Variants in TMC8 observed in about 807,000 individuals in gnomAD.
TMC8 encodes the protein transmembrane channel like 8, also known as transmembrane channel-like protein 8.
A neutral mutation model predicts 76.0 loss-of-function variants in TMC8; 71 were observed. The observed-to-expected ratio is 0.93, with a 90% CI of 0.77 to 1.14. The LOEUF is 1.14. Ranked by LOEUF, TMC8 falls within the 50% of genes most tolerant of loss-of-function variation. The pLI is 0.00. For missense variants in TMC8, 924 were observed against 947.9 expected (o/e 0.97, Z 0.33); for synonymous variants, 433 against 433.8 (o/e 1.00, Z 0.02).
At chr17:78,133,792 G>A in intron 6 of TMC8, 61 bp from the exon 7 acceptor site, 1 of 1,610,258 alleles carries the variant, frequency 6.2e-7, no homozygotes, top group Non-Finnish European at 8.5e-7. Flanking sequence ...GCCGAGCCAA[G>A]GCTGAGGCTG....
chr17:78,132,882 C>T lies in TMC8; in HGVS notation c.531+12C>T. 1 of 1,614,062 alleles carries T rather than the reference C, an allele frequency of 6.2e-7. No homozygotes were observed. The highest frequency in any genetic ancestry group is 8.5e-7 in the Non-Finnish European group (1 of 1,179,910). ...TTTTGACTGGCAGGGTGAGTGAGGT[C>T]TGTCCCGGCTATGGTCCAGAGTCTG... On this transcript the variant is annotated intron_variant, in intron 5 of 15. Coordinates refer to ENST00000318430, the MANE Select transcript of TMC8 (RefSeq NM_152468.5).
intron 15 of TMC8, among the ~76,000 whole-genome samples, chr17:78,140,603 G>A (rs1042673855): frequency 6.6e-6 from 1 of 151,636 alleles, no homozygotes; most frequent in Non-Finnish European, 1.5e-5. Flanking sequence ...GCTGCGTTGT[G>A]GACGGGACTC....
In TMC8 at chr17:78,140,899, C is replaced by G. The variant is rs2075359768; in HGVS notation, c.1968C>G (p.Ser656Arg). Reference protein sequence around the residue: ...LSRLLPEPGPSDSPGPKYPAS... With the variant: ...LSRLLPEPGPRDSPGPKYPAS... ...GACTGCTGCCGGAGCCAGGCCCGAG[C>G]GACTCTCCGGGCCCCAAGTACCCTG... Residue 656 changes from serine (S) to arginine (R), a missense_variant, in exon 16 of 16, where the codon AGC becomes AGG. Ser to Arg is a moderately radical substitution (Grantham distance 110). Coordinates refer to ENST00000318430, the MANE Select transcript of TMC8 (RefSeq NM_152468.5). 4.4e-6 allele frequency: 7 copies of G among 1,608,338 alleles called. No homozygotes were observed. Among genetic ancestry groups the G allele is most frequent in the Non-Finnish European group, 5.9e-6 (7 of 1,178,158 alleles).
chr17:78,132,984 AGG>A (rs2075073102), intron 5 of TMC8, 114 bp downstream of exon 5: 2 of 1,241,940 alleles, frequency 1.6e-6, no homozygotes, highest in Middle Eastern at 1.9e-4. Flanking sequence ...TCGGCTCCTC[AGG>A]GGATGGTCTT....
In TMC8 at chr17:78,137,306, G is replaced by T; in HGVS notation, c.1199G>T (p.Gly400Val). ...CTGGGTCAGACCATACTGTGCATTG[G>T]CAGAGACAAGAGCAGCTGTGAGTCC... ...VSLGQTILCI[G>V]RDKSSCESYG... Residue 400 changes from glycine (G) to valine (V), a missense_variant, in exon 10 of 16, where the codon GGC (glycine) becomes GTC (valine). Physicochemically the swap from Gly to Val is moderately radical, Grantham distance 109 (BLOSUM62 -3). Coordinates refer to ENST00000318430, the MANE Select transcript of TMC8 (RefSeq NM_152468.5). The T allele has an allele frequency of 6.2e-7, 1 of 1,614,008 alleles. No individual in the cohort carries two copies. Among genetic ancestry groups the T allele is most frequent in the Non-Finnish European group, 8.5e-7 (1 of 1,180,020 alleles).
rs368906618 is a variant in TMC8, at chr17:78,132,350, C to T, written c.299-9C>T. 56 of 1,612,576 alleles carry T rather than the reference C, an allele frequency of 3.5e-5. No homozygotes were observed. Among genetic ancestry groups the T allele is most frequent in the Non-Finnish European group, 4.7e-5 (55 of 1,179,690 alleles). On this transcript the variant is annotated splice_polypyrimidine_tract_variant and intron_variant, in intron 3 of 15. Coordinates refer to ENST00000318430, the MANE Select transcript of TMC8 (RefSeq NM_152468.5). ...GGCCTCCCTGACCCACCCTGCTCTC[C>T]CACTGCAGGCCTCTTCGGCACAGGA...
chr17:78,132,117 C>T (rs1329156919), intron 3 of TMC8, 87 bp downstream of exon 3: 3 of 1,522,644 alleles, frequency 2.0e-6, no homozygotes, highest in African/African-American at 1.4e-5. Context: ...ATCATCCCAC[C>T]TGCCTTCACC....
At position 78,133,272 on chromosome 17, in the gene TMC8, T is replaced by C. The variant is rs145547509; in HGVS notation, c.532-134T>C. On this transcript the variant is annotated intron_variant, in intron 5 of 15. Transcript: ENST00000318430. Reference sequence around the variant, plus strand: ...GACCGTGGGCACGTTGCCGAACCTCTGTGGGCCCTTGTAAGACGGGACACT... The same window carrying C: ...GACCGTGGGCACGTTGCCGAACCTCCGTGGGCCCTTGTAAGACGGGACACT... The C allele has an allele frequency of 9.9e-4, 1,418 of 1,427,776 alleles. 16 individuals are homozygous for C. In the African/African-American group the frequency reaches 0.018, roughly 18 times the overall value. 88.4% of individuals were successfully genotyped at this position (1,427,776 alleles called of 1,614,324 possible). A position where few individuals can be genotyped will look rare whatever the true frequency, so the allele number is the denominator to read the frequency against.
rs200991553 is a variant in TMC8, at chr17:78,133,541, C to T, written c.667C>T (p.Arg223Trp). Reference protein sequence around the residue: ...LLLCFCGTLRRMVKGLPQKTL... With the variant: ...LLLCFCGTLRWMVKGLPQKTL... ...CCTCTGCTTCTGTGGGACTCTGCGG[C>T]GGTGAGAGCGAGGTCCACACCTTCA... The change falls in exon 6 of 16, where the codon CGG becomes TGG. Residue 223 changes from arginine to tryptophan, a missense_variant and splice_region_variant. Arg to Trp is a moderately radical substitution (Grantham distance 101). Transcript: ENST00000318430. The T allele has an allele frequency of 6.2e-6, 10 of 1,611,502 alleles. No homozygotes were observed. Among genetic ancestry groups the T allele is most frequent in the South Asian group, 5.5e-5 (5 of 91,082 alleles).
At position 78,131,583 on chromosome 17, in the gene TMC8, G is replaced by A. The variant is rs2074966882; in HGVS notation, c.-6G>A. The A allele has an allele frequency of 1.9e-6, 3 of 1,544,114 alleles. No individual in the cohort carries two copies. The highest frequency in any genetic ancestry group is 2.6e-6 in the Non-Finnish European group (3 of 1,146,646). ...GGCGCCCCAGCCTCTACCCGTGCCCGCCGAGATGCTGCTGCCGCGGTCGGT... is the reference window on the plus strand; with the variant it reads ...GGCGCCCCAGCCTCTACCCGTGCCCACCGAGATGCTGCTGCCGCGGTCGGT... On this transcript the variant is annotated 5_prime_UTR_variant, in exon 2 of 16. Transcript: ENST00000318430.
In TMC8 at chr17:78,141,479, GA is replaced by G. The variant is rs2075371639; in HGVS notation, c.*369del. 5.7e-6 allele frequency: 1 copy of G among 174,530 alleles called. No individual in the cohort carries two copies. Among genetic ancestry groups the G allele is most frequent in the Non-Finnish European group, 1.2e-5 (1 of 82,914 alleles). 10.8% of individuals were successfully genotyped at this position (174,530 alleles called of 1,614,324 possible). A position where few individuals can be genotyped will look rare whatever the true frequency, so the allele number is the denominator to read the frequency against. ...AATGCTCAGAAGTTGTTTACTGATG[GA>G]AGTGCCTTCAGAAGAGTCCGGGAAC... On this transcript the variant is annotated 3_prime_UTR_variant, in exon 16 of 16. Transcript: ENST00000318430.
chr17:78,136,191 AG>A lies in TMC8; in HGVS notation c.1128-1043del, dbSNP rs150480987. Among the ~76,000 whole-genome samples, 330 of 152,208 alleles carry A rather than the reference AG, an allele frequency of 2.2e-3. 1 individual carries two copies. Among genetic ancestry groups the A allele is most frequent in the African/African-American group, 7.6e-3 (314 of 41,534 alleles). ...TTAGAGATAACACGCAACCAGGCAC[AG>A]TGACTCACGCCTGTAAAGGCCAACA... On this transcript the variant is annotated intron_variant, in intron 9 of 15. Transcript: ENST00000318430.
In TMC8 at chr17:78,131,785, G is replaced by C. The variant is rs560768129; in HGVS notation, c.149+48G>C. 426 of 1,547,416 alleles carry C rather than the reference G, an allele frequency of 2.8e-4. 2 individuals are homozygous for C. The highest frequency in any genetic ancestry group is 2.1e-3 in the South Asian group (175 of 84,442). ...ACGGTGCGTGGGGGGGGTGCTGCGA[G>C]GCTGCCCCGTCGGATGGTGTGGGAG... On this transcript the variant is annotated intron_variant, in intron 2 of 15. Transcript: ENST00000318430.
chr17:78,140,679 G>C (rs1183456532), intron 15 of TMC8, among the ~76,000 whole-genome samples, 155 bp from the exon 16 acceptor site: 1 of 151,646 alleles, frequency 6.6e-6, no homozygotes, highest in Non-Finnish European at 1.5e-5. Context: ...GGGAGGGTGT[G>C]GCCTCGAGCG....
intron 7 of TMC8, 147 bp downstream of exon 7, chr17:78,134,147 G>A: frequency 7.8e-7 from 1 of 1,284,822 alleles, no homozygotes; most frequent in South Asian, 1.2e-5. Flanking sequence ...GTGGGAGCGT[G>A]ATGGAGAGCG....
Position 78,142,140 on chromosome 17 carries a change from C to T in TMC8, c.*1028C>T, listed in dbSNP as rs2075383198. 1 of 152,516 alleles carries T rather than the reference C, an allele frequency of 6.6e-6. No individual in the cohort carries two copies. The highest frequency in any genetic ancestry group is 2.4e-5 in the African/African-American group (1 of 41,402). The allele number at this position is 152,516 out of a possible 1,614,324, so 9.4% of individuals were successfully genotyped here. A position where few individuals can be genotyped will look rare whatever the true frequency, so the allele number is the denominator to read the frequency against. ...TCCTGTTCTCCCACCCCCACCCCTG[C>T]CATGCTGCAGTGACTAAATCTGTGG... On this transcript the variant is annotated 3_prime_UTR_variant, in exon 16 of 16. Transcript: ENST00000318430.
Position 78,138,798 on chromosome 17 carries a change from G to A in TMC8, c.1823+66G>A, listed in dbSNP as rs768853668. 1.4e-5 allele frequency: 23 copies of A among 1,593,632 alleles called. No individual in the cohort carries two copies. In the South Asian group the frequency reaches 2.4e-4, roughly 17 times the overall value. The stretch of plus-strand genomic sequence containing the variant: ...GGGGGAGGTCCTTCCTTCCATGGGG[G>A]TGGTGAGCCTGTGCACCCCCAACCA... On this transcript the variant is annotated intron_variant, in intron 14 of 15. Coordinates refer to ENST00000318430, the MANE Select transcript of TMC8 (RefSeq NM_152468.5).
chr17:78,135,543 G>A (rs1012439801), intron 9 of TMC8, among the ~76,000 whole-genome samples: 6 of 152,088 alleles, frequency 3.9e-5, no homozygotes, highest in African/African-American at 1.4e-4. Context: ...CGGAGCAGCT[G>A]GGACTACCAC....
At chr17:78,140,473 C>G (rs886653897) in intron 15 of TMC8, among the ~76,000 whole-genome samples, 1 of 150,350 alleles carries the variant, frequency 6.7e-6, no homozygotes, top group Non-Finnish European at 1.5e-5. Flanking sequence ...GGACTCTTAG[C>G]GGGCGTGGTC....
Sources: allele counts gnomAD v4.1 joint callset (sites outside exome capture counted in the v4.1 genomes callset), GRCh38; gene constraint gnomAD v4.1.1; transcripts MANE v1.5; gene names NCBI Gene and HGNC (gene_info 2026-07-23, HGNC 2026-07-21).